The following ME2 variants were observed in gnomAD, a reference collection of about 807,000 sequenced individuals.
The protein encoded by ME2 is NAD-dependent malic enzyme, mitochondrial.
A neutral mutation model predicts 73.7 loss-of-function variants in ME2; 60 were observed. The ratio of observed to expected loss-of-function variants is 0.81; its 90% CI spans 0.66 to 1.01. The LOEUF is 1.01. Among genes scored for constraint, ME2 ranks in the 50% least tolerant of loss-of-function variants. The pLI is 0.00. For missense variants in ME2, 594 were observed against 705.5 expected, an observed-to-expected ratio of 0.84 and a Z score of 1.79; for synonymous variants, 199 against 236.9, an observed-to-expected ratio of 0.84 and a Z score of 1.47.
intron 4 of ME2, among the ~76,000 whole-genome samples, chr18:50,914,152 G>A (rs969976854): frequency 6.6e-6 from 1 of 152,114 alleles, no homozygotes; most frequent in Admixed American, 6.6e-5. Context: ...AAAAGGTCTG[G>A]AGGTCCGGAT....
intron 5 of ME2, chr18:50,916,826 C>T (rs1179093921): frequency 6.6e-6 from 1 of 152,074 alleles, no homozygotes; most frequent in Non-Finnish European, 1.5e-5. Flanking sequence ...ATTGAATGAT[C>T]GTTGGTTTGA....
rs141570716 is a variant in ME2 at position 50,944,606 on chromosome 18, A to G, written c.1588-2411A>G. 4.2e-3 allele frequency among the ~76,000 whole-genome samples: 646 copies of G among 152,296 alleles called. 5 individuals are homozygous for G. The highest frequency in any genetic ancestry group is 0.015 in the African/African-American group (606 of 41,568). On this transcript the variant is annotated intron_variant, in intron 15 of 15. Coordinates refer to ENST00000321341, the MANE Select transcript of ME2 (RefSeq NM_002396.5). ...CCCGTAATCTTTTTCTGTGGTTACT[A>G]CCAGCCTGTGGGAAAGAGATTTGCA...
rs144187534 is a variant in ME2 at position 50,924,113 on chromosome 18, A to C, written c.1072A>C (p.Ile358Leu). ...CAAAATTTAGGGACGGAAAGCAAAAATAGATAGTTATCAGGAACCATTTAC... is the reference window on the plus strand; with the variant it reads ...CAAAATTTAGGGACGGAAAGCAAAACTAGATAGTTATCAGGAACCATTTAC... ...GLLVKGRKAK[I>L]DSYQEPFTHS... The change falls in exon 11 of 16, where the codon ATA becomes CTA. Residue 358 changes from isoleucine (I) to leucine (L), a missense_variant. Transcript: ENST00000321341. 1 of 1,611,184 alleles carries C rather than the reference A, an allele frequency of 6.2e-7. No homozygotes were observed.
chr18:50,920,991 T>C (rs1463058248), intron 9 of ME2, 83 bp from the exon 10 acceptor site: 8 of 732,876 alleles, frequency 1.1e-5, no homozygotes, highest in Non-Finnish European at 1.8e-5. Flanking sequence ...ATATTTCTTA[T>C]GGCATATAAT....
Position 50,886,042 on chromosome 18 carries a change from C to T in ME2, c.-13+6734C>T, listed in dbSNP as rs114067262. Among the ~76,000 whole-genome samples the T allele has an allele frequency of 2.6e-3, 391 of 152,068 alleles. 1 individual carries two copies. Among genetic ancestry groups the T allele is most frequent in the African/African-American group, 8.8e-3 (364 of 41,494 alleles). On this transcript the variant is annotated intron_variant, in intron 1 of 15. Transcript: ENST00000321341. Reference sequence around the variant, plus strand: ...ACTGTTTCTTCTTTTAGATTGTACACATTTAATAGATATCCATTATTAGAT... The same window carrying T: ...ACTGTTTCTTCTTTTAGATTGTACATATTTAATAGATATCCATTATTAGAT...
intron 2 of ME2, among the ~76,000 whole-genome samples, chr18:50,897,149 T>C (rs1916765546): frequency 6.6e-6 from 1 of 152,226 alleles, no homozygotes; most frequent in Non-Finnish European, 1.5e-5. Flanking sequence ...TAAGCTGTTA[T>C]TGAAGTCATT....
intron 11 of ME2, among the ~76,000 whole-genome samples, chr18:50,924,702 TG>T (rs1917504817): frequency 6.6e-6 from 1 of 151,696 alleles, no homozygotes; most frequent in South Asian, 2.1e-4. Flanking sequence ...TCTTGTTTTT[TG>T]TTTTTTTTTT....
chr18:50,930,432 C>T (rs765420239), intron 12 of ME2, among the ~76,000 whole-genome samples: 11 of 151,856 alleles, frequency 7.2e-5, no homozygotes, highest in African/African-American at 1.9e-4. Context: ...TGCTGCTCAG[C>T]GAGAAAAATA....
intron 1 of ME2, among the ~76,000 whole-genome samples, chr18:50,880,131 G>T (rs1014584054): frequency 6.6e-6 from 1 of 152,174 alleles, no homozygotes; most frequent in Non-Finnish European, 1.5e-5. Context: ...AGTTGATAAC[G>T]ATAACAATAG....
chr18:50,903,914 A>G (rs1916949334), intron 2 of ME2, among the ~76,000 whole-genome samples: 1 of 152,182 alleles, frequency 6.6e-6, no homozygotes, highest in East Asian at 1.9e-4. Flanking sequence ...GAAACATGAG[A>G]CACATGTTTA....
rs1390313711 is a variant in ME2 at position 50,949,646 on chromosome 18, G to A, written c.*2462G>A. The A allele has an allele frequency of 6.6e-6, 1 of 152,166 alleles. No individual in the cohort carries two copies. Among genetic ancestry groups the A allele is most frequent in the African/African-American group, 2.4e-5 (1 of 41,442 alleles). The allele number at this position is 152,166 out of a possible 1,614,324, so 9.4% of individuals were successfully genotyped here. ...CTTAGTGTTTATTGAAGGCAGGAAC[G>A]TATGCTGAATTAAAGTAATTTTACT... On this transcript the variant is annotated 3_prime_UTR_variant, in exon 16 of 16. Coordinates refer to ENST00000321341, the MANE Select transcript of ME2 (RefSeq NM_002396.5).
intron 2 of ME2, among the ~76,000 whole-genome samples, chr18:50,907,853 C>G (rs569515294): frequency 1.4e-4 from 22 of 152,314 alleles, no homozygotes; most frequent in African/African-American, 5.1e-4. Flanking sequence ...AAGGCCTAAA[C>G]TAGTTTATAT....
At chr18:50,898,979 T>C (rs909161383) in intron 2 of ME2, among the ~76,000 whole-genome samples, 2 of 152,230 alleles carry the variant, frequency 1.3e-5, no homozygotes, top group African/African-American at 2.4e-5. Flanking sequence ...ACTTTTCTCA[T>C]AATTTTCTGA....
chr18:50,908,822 G>C (rs373605088), intron 3 of ME2, among the ~76,000 whole-genome samples: 53 of 152,170 alleles, frequency 3.5e-4, no homozygotes, highest in Non-Finnish European at 6.3e-4. Flanking sequence ...TTTATTTGTA[G>C]TAGAGATGGA....
intron 10 of ME2, among the ~76,000 whole-genome samples, chr18:50,921,676 A>G (rs1282424765): frequency 6.6e-6 from 1 of 152,110 alleles, no homozygotes; most frequent in Non-Finnish European, 1.5e-5. Context: ...TCCTGGGTTC[A>G]AGCAATTCTC....
intron 3 of ME2, 139 bp downstream of exon 3, chr18:50,908,335 G>T: frequency 1.7e-6 from 1 of 574,508 alleles, no homozygotes; most frequent in Non-Finnish European, 2.9e-6. Context: ...TATAAAGATT[G>T]TGTTTCTTTC....
At chr18:50,884,555 T>TA (rs2144177493) in intron 1 of ME2, among the ~76,000 whole-genome samples, 1 of 152,236 alleles carries the variant, frequency 6.6e-6, no homozygotes, top group South Asian at 2.1e-4. Context: ...ACCATGTTGA[T>TA]CAGGATAGCT....
chr18:50,942,623 G>A, intron 15 of ME2: 1 of 261,422 alleles, frequency 3.8e-6, no homozygotes. Flanking sequence ...TTCTTCATCT[G>A]AATATGGCAT....
In ME2 at chr18:50,941,353, C is replaced by CTTTTTTTTTTTTTTTTTTTTTTTTT. The variant is rs57428974; in HGVS notation, c.1587+974_1587+998dup. On this transcript the variant is annotated intron_variant, in intron 15 of 15. Transcript: ENST00000321341. ...TCTTTGTGTGTATTTGTGATGGTTTCTTTTTTTTTTTTTTTTTTTTTTTTT... is the reference window on the plus strand; with the variant it reads ...TCTTTGTGTGTATTTGTGATGGTTTCTTTTTTTTTTTTTTTTTTTTTTTTTTTTTTTTTTTTTTTTTTTTTTTTTT... Among the ~76,000 whole-genome samples the CTTTTTTTTTTTTTTTTTTTTTTTTT allele has an allele frequency of 4.7e-5, 3 of 63,820 alleles. 1 individual carries two copies. Among genetic ancestry groups the CTTTTTTTTTTTTTTTTTTTTTTTTT allele is most frequent in the African/African-American group, 2.4e-4 (3 of 12,418 alleles). The allele number at this position is 63,820 out of a possible 152,430, so 41.9% of individuals were successfully genotyped here.
Sources: gnomAD v4.1 joint callset for allele counts (sites outside exome capture counted in the v4.1 genomes callset) on GRCh38, gnomAD v4.1.1 for gene constraint, MANE v1.5 for transcripts, NCBI Gene and HGNC (gene_info 2026-07-23, HGNC 2026-07-21) for gene names.